RAB41: variants seen among roughly 807,000 people sequenced by gnomAD.
RAB41 encodes the protein RAB41, member RAS oncogene family, also known as ras-related protein Rab-41.
In RAB41, 15 loss-of-function variants were observed where a neutral mutation model predicts 19.0. The ratio of observed to expected loss-of-function variants is 0.79; its 90% CI spans 0.53 to 1.21. The LOEUF (loss-of-function observed/expected upper bound fraction) is 1.21. Among genes scored for constraint, RAB41 ranks in the 50% most tolerant of loss-of-function variants. The pLI is 0.00. For missense variants in RAB41, 177 were observed against 179.7 expected (o/e 0.99, Z 0.09); for synonymous variants, 73 against 64.7 (o/e 1.13, Z -0.62).
At chrX:70,282,496 C>T in intron 1 of RAB41, 37 bp from the exon 2 acceptor site, 13 of 1,195,561 alleles carry the variant, frequency 1.1e-5, no homozygotes, top group African/African-American at 1.7e-5. Flanking sequence ...AGAAAGGGCA[C>T]TGAGGGCGAC....
At chrX:70,283,842 G>A (rs1163191779) in intron 5 of RAB41, 108 bp from the exon 6 acceptor site, 2 of 594,671 alleles carry the variant, frequency 3.4e-6, no homozygotes. Flanking sequence ...AGGGTCATGG[G>A]TTTAAGGCTT....
intron 5 of RAB41, 48 bp from the exon 6 acceptor site, chrX:70,283,902 T>A (rs779422382): frequency 1.8e-5 from 16 of 908,482 alleles, no homozygotes; most frequent in Middle Eastern, 2.6e-4. Flanking sequence ...GAAGAGTCTA[T>A]CCATATCCAA....
chrX:70,282,244 C>T lies in RAB41; in HGVS notation c.27C>T (p.Ala9=). 8.3e-7 allele frequency: 1 copy of T among 1,212,119 alleles called. No homozygotes were observed. The highest frequency in any genetic ancestry group is 1.8e-5 in the South Asian group (1 of 57,022). ...TGTCTGCCTTTGGTCACGACGAGGC[C>T]TGGATGGAGGCCGGAGGCTTTGGTC... The part of the protein sequence containing the change: MSAFGHDE[A]WMEAGGFGLE... The change falls in exon 1 of 8, where the codon GCC becomes GCT. Residue 9 remains alanine (A), a synonymous_variant. Coordinates refer to ENST00000374473, the MANE Select transcript of RAB41 (RefSeq NM_001363807.1).
rs769635662 is a variant in RAB41 at position 70,283,946 on chromosome X, C to A, written c.456-4C>A. On this transcript the variant is annotated splice_polypyrimidine_tract_variant and splice_region_variant and intron_variant, in intron 5 of 7. Transcript: ENST00000374473. ...GCCCTTTTCATCATTTCTGATTCGT[C>A]CAGACAAGTCACTGCAGAACAGGGT... is the stretch of plus-strand genomic sequence containing the variant. 2.5e-6 allele frequency: 3 copies of A among 1,184,636 alleles called. No homozygotes were observed. Among genetic ancestry groups the A allele is most frequent in the Non-Finnish European group, 3.4e-6 (3 of 872,681 alleles).
In RAB41 at chrX:70,284,660, T is replaced by C; in HGVS notation, c.*17T>C. Reference sequence around the variant, plus strand: ...TATTGTTGACAGCTTAGGCTTTCTCTGCCTCATTTGATGGATTTCTTACAT... The same window carrying C: ...TATTGTTGACAGCTTAGGCTTTCTCCGCCTCATTTGATGGATTTCTTACAT... On this transcript the variant is annotated 3_prime_UTR_variant, in exon 8 of 8. Transcript: ENST00000374473. 2 of 1,182,810 alleles carry C rather than the reference T, an allele frequency of 1.7e-6. No homozygotes were observed. The highest frequency in any genetic ancestry group is 2.3e-6 in the Non-Finnish European group (2 of 869,057).
chrX:70,284,472 G>A (rs1445112559), intron 7 of RAB41, 116 bp from the exon 8 acceptor site: 3 of 933,033 alleles, frequency 3.2e-6, no homozygotes, highest in African/African-American at 3.9e-5. Context: ...TTGCCTTTAG[G>A]TGAGAGGGAT....
At chrX:70,282,641 G>A (rs760472687) in intron 2 of RAB41, 50 bp downstream of exon 2, 91 of 1,119,888 alleles carry the variant, frequency 8.1e-5, no homozygotes, top group Admixed American at 2.0e-4. Flanking sequence ...TCTTCTTGGC[G>A]GACTCACCTG....
chrX:70,283,922 C>T (rs1262455058), intron 5 of RAB41, 28 bp from the exon 6 acceptor site: 13 of 1,062,950 alleles, frequency 1.2e-5, no homozygotes, highest in Admixed American at 2.2e-5. Context: ...ATAACTCTGG[C>T]CCTTTTCATC....
Position 70,282,562 on chromosome X carries a change from A to C in RAB41, c.154A>C (p.Met52Leu). ...VGKTSIISRF[M>L]YNSFGCACQA... ...GAAGACATCCATCATCAGCCGCTTC[A>C]TGTACAACAGCTTCGGCTGCGCCTG... Residue 52 changes from methionine (M) to leucine (L), a missense_variant, in exon 2 of 8, where the codon ATG (methionine) becomes CTG (leucine). Transcript: ENST00000374473. 1 of 1,211,169 alleles carries C rather than the reference A, an allele frequency of 8.3e-7. No individual in the cohort carries two copies. Among genetic ancestry groups the C allele is most frequent in the East Asian group, 3.0e-5 (1 of 33,825 alleles).
At chrX:70,284,154 G>T in intron 6 of RAB41, 111 bp downstream of exon 6, 2 of 996,124 alleles carry the variant, frequency 2.0e-6, no homozygotes, top group African/African-American at 1.9e-5. Flanking sequence ...AGGGGTCAAG[G>T]TTCATCTCCC....
intron 6 of RAB41, 41 bp from the exon 7 acceptor site, chrX:70,284,222 TTCC>T: frequency 3.4e-6 from 4 of 1,162,994 alleles, no homozygotes; most frequent in Non-Finnish European, 4.6e-6. Context: ...CCTTTTTTTT[TTCC>T]CCTTTTTTTT....
rs1405314132 is a variant in RAB41 at position 70,284,766 on chromosome X, G to A, written c.*123G>A. The A allele has an allele frequency of 1.8e-5, 10 of 568,605 alleles. No individual in the cohort carries two copies. The East Asian group carries it at 3.5e-4, about 20-fold the overall frequency. The allele number at this position is 568,605 out of a possible 1,213,427, so 46.9% of individuals were successfully genotyped here. ...TACTCTCTTCCAATTCCTAGGCTTG[G>A]GGTAAAAACAGAACCCCTGAAAGTG... On this transcript the variant is annotated 3_prime_UTR_variant, in exon 8 of 8. Coordinates refer to ENST00000374473, the MANE Select transcript of RAB41 (RefSeq NM_001363807.1).
chrX:70,282,668 A>G, intron 2 of RAB41, 77 bp downstream of exon 2: 2 of 1,097,859 alleles, frequency 1.8e-6, no homozygotes, highest in East Asian at 6.0e-5. Context: ...CTCCTCCTCA[A>G]AGTTATGTAT....
Position 70,282,571 on chromosome X carries a change from A to G in RAB41, c.163A>G (p.Ser55Gly). The change falls in exon 2 of 8, where the codon AGC becomes GGC. Residue 55 changes from serine (S) to glycine (G), a missense_variant. By Grantham distance (56) the Ser-to-Gly change is moderately conservative. Coordinates refer to ENST00000374473, the MANE Select transcript of RAB41 (RefSeq NM_001363807.1). ...TSIISRFMYN[S>G]FGCACQATVG... ...CATCATCAGCCGCTTCATGTACAAC[A>G]GCTTCGGCTGCGCCTGCCAGGTAAG... The G allele has an allele frequency of 8.3e-7, 1 of 1,211,000 alleles. No homozygotes were observed. The highest frequency in any genetic ancestry group is 1.1e-6 in the Non-Finnish European group (1 of 894,915).
chrX:70,283,476 T>G (rs770118186), intron 4 of RAB41, 37 bp from the exon 5 acceptor site: 30 of 1,136,967 alleles, frequency 2.6e-5, no homozygotes, highest in Non-Finnish European at 3.5e-5. Flanking sequence ...AAATCTCTCC[T>G]AAATGTTTCA....
chrX:70,282,412 G>T, intron 1 of RAB41, 71 bp downstream of exon 1: 10 of 1,176,673 alleles, frequency 8.5e-6, no homozygotes, highest in Non-Finnish European at 1.2e-5. Flanking sequence ...GCATTCTCTG[G>T]GGAACCGAGT....
chrX:70,284,235 T>A, intron 6 of RAB41, 31 bp from the exon 7 acceptor site: 1 of 1,190,985 alleles, frequency 8.4e-7, no homozygotes, highest in Non-Finnish European at 1.1e-6. Flanking sequence ...CCCTTTTTTT[T>A]TTTTTGGTCC....
intron 2 of RAB41, 80 bp from the exon 3 acceptor site, chrX:70,282,722 C>G: frequency 1.8e-6 from 2 of 1,104,594 alleles, no homozygotes; most frequent in South Asian, 3.7e-5. Flanking sequence ...CTTGAAGGGT[C>G]ATTCTCCACT....
At position 70,282,806 on chromosome X, in the gene RAB41, C is replaced by G. The variant is rs746040742; in HGVS notation, c.188C>G (p.Thr63Ser). The G allele has an allele frequency of 6.6e-6, 8 of 1,210,144 alleles. No individual in the cohort carries two copies. Among genetic ancestry groups the G allele is most frequent in the Non-Finnish European group, 7.8e-6 (7 of 893,928 alleles). The stretch of plus-strand genomic sequence containing the variant: ...GTATCTGATTTTCTTTTGCAGGCAA[C>G]TGTTGGAATTGACTTCTTGTCTAAG... ...YNSFGCACQA[T>S]VGIDFLSKTM... Residue 63 changes from threonine (T) to serine (S), a missense_variant, in exon 3 of 8, where the codon ACT becomes AGT. Coordinates refer to ENST00000374473, the MANE Select transcript of RAB41 (RefSeq NM_001363807.1).
Sources: gnomAD v4.1 joint callset for allele counts on GRCh38, gnomAD v4.1.1 for gene constraint, MANE v1.5 for transcripts, NCBI Gene and HGNC (gene_info 2026-07-23, HGNC 2026-07-21) for gene names.